GPM6A: variants seen among roughly 807,000 people sequenced by gnomAD.
GPM6A encodes glycoprotein M6A.
GPM6A carries 7 observed loss-of-function variants against 32.1 expected under a neutral mutation model. The ratio of observed to expected loss-of-function variants is 0.22; its 90% CI spans 0.12 to 0.41. GPM6A has a LOEUF of 0.41. GPM6A is among the 10% of genes least tolerant of loss of function. The probability of loss-of-function intolerance (pLI) is 1.00; values close to 1 mark genes in which losing one functional copy is unlikely to be tolerated. For synonymous variants in GPM6A, 130 were observed against 123.4 expected, an observed-to-expected ratio of 1.05 and a Z score of -0.35; for missense variants, 235 against 347.2, an observed-to-expected ratio of 0.68 and a Z score of 2.57.
intron 1 of GPM6A, among the ~76,000 whole-genome samples, chr4:175,714,469 G>A (rs1053698384): frequency 2.0e-5 from 3 of 151,976 alleles, no homozygotes; most frequent in Non-Finnish European, 4.4e-5. Flanking sequence ...CTGCAGCCTT[G>A]ACCTCCAGGA....
At chr4:175,904,395 T>G (rs1341117504) in intron 1 of GPM6A, among the ~76,000 whole-genome samples, 1 of 152,182 alleles carries the variant, frequency 6.6e-6, no homozygotes, top group African/African-American at 2.4e-5. Context: ...AGTGATATTT[T>G]ACAGATACAT....
At chr4:175,985,054 C>CT (rs1392868883) in intron 1 of GPM6A, among the ~76,000 whole-genome samples, 1 of 152,126 alleles carries the variant, frequency 6.6e-6, no homozygotes, top group Non-Finnish European at 1.5e-5. Context: ...CCTTCTTTTT[C>CT]TTTTTCAGAA....
At chr4:175,952,914 C>T (rs1009389391) in intron 1 of GPM6A, among the ~76,000 whole-genome samples, 9 of 151,680 alleles carry the variant, frequency 5.9e-5, no homozygotes, top group South Asian at 4.2e-4. Context: ...GGCATGGTGG[C>T]GCATGACTGT....
chr4:175,814,745 A>G (rs1310555705), upstream of GPM6A, among the ~76,000 whole-genome samples: 1 of 152,208 alleles, frequency 6.6e-6, no homozygotes, highest in African/African-American at 2.4e-5. Context: ...AGAGAGATGC[A>G]TACACATACA....
chr4:175,768,878 T>C (rs937061828), intron 1 of GPM6A, among the ~76,000 whole-genome samples: 9 of 152,194 alleles, frequency 5.9e-5, no homozygotes, highest in Middle Eastern at 3.4e-3. Context: ...GGTGGATCAC[T>C]TGAGGTCAGG....
intron 6 of GPM6A, among the ~76,000 whole-genome samples, chr4:175,635,722 A>G (rs1740538853): frequency 6.6e-6 from 1 of 152,092 alleles, no homozygotes; most frequent in African/African-American, 2.4e-5. Context: ...AAGCTCCTTT[A>G]TTTGACTTGA....
chr4:175,784,391 A>T (rs1457048513), intron 1 of GPM6A, among the ~76,000 whole-genome samples: 2 of 152,176 alleles, frequency 1.3e-5, no homozygotes, highest in Non-Finnish European at 2.9e-5. Flanking sequence ...GCAGATAATT[A>T]GTAGGTAACA....
intron 3 of GPM6A, among the ~76,000 whole-genome samples, chr4:175,653,435 T>C (rs897995962): frequency 2.6e-5 from 4 of 152,118 alleles, no homozygotes; most frequent in African/African-American, 9.7e-5. Flanking sequence ...ATGCTAATAG[T>C]TGGGGTCAAC....
intron 1 of GPM6A, among the ~76,000 whole-genome samples, chr4:175,929,547 G>A (rs1281100169): frequency 6.6e-6 from 1 of 152,156 alleles, no homozygotes; most frequent in Non-Finnish European, 1.5e-5. Context: ...ATTGGATGAG[G>A]CATGTATACG....
At position 175,640,142 on chromosome 4, in the gene GPM6A, G is replaced by C. The variant is rs368208662; in HGVS notation, c.671C>G (p.Ala224Gly). The C allele has an allele frequency of 6.2e-6, 10 of 1,613,044 alleles. No individual in the cohort carries two copies. Among genetic ancestry groups the C allele is most frequent in the Non-Finnish European group, 8.5e-6 (10 of 1,179,192 alleles). ...FIVALAGAGA[A>G]VIAMVHYLMV... ...TTGAGGTCTTACCATAGCAATGACT[G>C]CTGCCCCAGCTCCAGCAAGTGCCAC... is the stretch of plus-strand genomic sequence containing the variant. Residue 224 changes from alanine (A) to glycine (G), a missense_variant, in exon 6 of 7, where the codon GCA becomes GGA. By Grantham distance (60) the Ala-to-Gly change is moderately conservative. Around this residue, in one of 3 missense-constraint regions of GPM6A, gnomAD observed 107 missense variants for 116.7 expected, o/e 0.92. Coordinates refer to ENST00000393658, the MANE Select transcript of GPM6A (RefSeq NM_201591.3).
At chr4:175,694,367 T>C (rs1235529401) in intron 2 of GPM6A, among the ~76,000 whole-genome samples, 2 of 152,216 alleles carry the variant, frequency 1.3e-5, no homozygotes, top group Non-Finnish European at 2.9e-5. Flanking sequence ...GTTAAATTGT[T>C]GTGACCAAAA....
chr4:175,991,034 T>C (rs1202842614), intron 1 of GPM6A, among the ~76,000 whole-genome samples: 1 of 151,944 alleles, frequency 6.6e-6, no homozygotes, highest in African/African-American at 2.4e-5. Flanking sequence ...TAAAATTTCA[T>C]TCTTCTTTTT....
At chr4:175,760,385 G>A (rs940866981) in intron 1 of GPM6A, among the ~76,000 whole-genome samples, 3 of 151,998 alleles carry the variant, frequency 2.0e-5, no homozygotes, top group African/African-American at 7.3e-5. Flanking sequence ...TAAGAAGCAG[G>A]TGTATAAGAT....
At chr4:175,775,529 C>A (rs1316906055) in intron 1 of GPM6A, among the ~76,000 whole-genome samples, 8 of 152,028 alleles carry the variant, frequency 5.3e-5, no homozygotes, top group Admixed American at 5.2e-4. Flanking sequence ...AATTTTTAAT[C>A]CTTACCTATC....
At chr4:175,734,851 C>T (rs368116742) in intron 1 of GPM6A, among the ~76,000 whole-genome samples, 11 of 151,566 alleles carry the variant, frequency 7.3e-5, no homozygotes, top group South Asian at 6.3e-4. Context: ...CCAGCCTGGG[C>T]GACAAGAAAA....
intron 2 of GPM6A, among the ~76,000 whole-genome samples, chr4:175,676,774 G>A (rs58482133): frequency 0.012 from 1,817 of 152,120 alleles, 44 homozygotes; most frequent in African/African-American, 0.041. Flanking sequence ...GGAAAAAAAA[G>A]GAAGTAATTT....
intron 1 of GPM6A, 46 bp from the exon 2 acceptor site, chr4:175,701,813 A>ATTTAATT (rs745634928): frequency 1.4e-6 from 2 of 1,432,888 alleles, no homozygotes; most frequent in Non-Finnish European, 1.9e-6. Context: ...TGTTAACCTA[A>ATTTAATT]TTTAATTTTT....
chr4:175,857,855 C>A (rs73010130), intron 1 of GPM6A, among the ~76,000 whole-genome samples: 3,793 of 152,000 alleles, frequency 0.025, 145 homozygotes, highest in African/African-American at 0.084. Context: ...CATGAATATA[C>A]TAGAGGTTCT....
chr4:175,785,456 G>A (rs1733763718), intron 1 of GPM6A, among the ~76,000 whole-genome samples: 1 of 152,128 alleles, frequency 6.6e-6, no homozygotes, highest in Non-Finnish European at 1.5e-5. Flanking sequence ...ATTTTGTTAT[G>A]CATCATGCCT....
Sources: allele counts gnomAD v4.1 joint callset (sites outside exome capture counted in the v4.1 genomes callset), GRCh38; gene constraint gnomAD v4.1.1; regional missense constraint gnomAD v4.1.1; transcripts MANE v1.5; gene names NCBI Gene and HGNC (gene_info 2026-07-23, HGNC 2026-07-21).